The following LRP1B variants were observed in gnomAD, a reference collection of about 807,000 sequenced individuals.
LRP1B encodes the protein low-density lipoprotein receptor-related protein 1B.
A neutral mutation model predicts 556.6 loss-of-function variants in LRP1B; 217 were observed. The ratio of observed to expected loss-of-function variants is 0.39; its 90% CI spans 0.35 to 0.44. The LOEUF is 0.44. LRP1B is among the 20% of genes least tolerant of loss of function. The pLI, the probability that LRP1B is intolerant of heterozygous loss-of-function variation, is 1.00. For synonymous variants in LRP1B, 2,047 were observed against 1,865.8 expected (o/e 1.10, Z -2.50); for missense variants, 5,053 against 5,620.8 (o/e 0.90, Z 3.23).
At chr2:141,802,563 T>G (rs1696042294) in intron 2 of LRP1B, among the ~76,000 whole-genome samples, 1 of 151,988 alleles carries the variant, frequency 6.6e-6, no homozygotes, top group South Asian at 2.1e-4. Flanking sequence ...TACTGAAAAT[T>G]CCATAGGCAG....
chr2:140,491,042 T>G (rs1397810552), intron 57 of LRP1B, among the ~76,000 whole-genome samples: 1 of 152,106 alleles, frequency 6.6e-6, no homozygotes, highest in East Asian at 1.9e-4. Flanking sequence ...AGTTCTGTTA[T>G]GTGAAATAGA....
intron 1 of LRP1B, among the ~76,000 whole-genome samples, chr2:142,067,290 G>A (rs1408585880): frequency 1.3e-5 from 2 of 151,172 alleles, no homozygotes; most frequent in African/African-American, 4.9e-5. Flanking sequence ...CTGACCCTAG[G>A]ACCCAGATAT....
chr2:141,139,695 A>C (rs1218115382), intron 7 of LRP1B, among the ~76,000 whole-genome samples: 1 of 151,938 alleles, frequency 6.6e-6, no homozygotes. Flanking sequence ...GACCGACTAG[A>C]CCAAGTGTTG....
chr2:141,308,031 G>A (rs1405169628), intron 3 of LRP1B, among the ~76,000 whole-genome samples: 1 of 152,208 alleles, frequency 6.6e-6, no homozygotes, highest in Non-Finnish European at 1.5e-5. Context: ...CAGGTTGGAT[G>A]TGCTACCTTA....
In LRP1B at chr2:140,953,085, T is replaced by C. The variant is rs1162301365; in HGVS notation, c.2888-1145A>G. On this transcript the variant is annotated intron_variant, in intron 18 of 90. Transcript: ENST00000389484. ...AATAGACCTATGGTCCATATTCTTT[T>C]TGTTTGTTTGTTTGTTTGTTTTTGA... 5.3e-5 allele frequency among the ~76,000 whole-genome samples: 8 copies of C among 151,996 alleles called. No individual in the cohort carries two copies. The East Asian group carries it at 1.2e-3, about 22-fold the overall frequency.
At chr2:142,082,712 C>G (rs935732544) in intron 1 of LRP1B, among the ~76,000 whole-genome samples, 2 of 152,122 alleles carry the variant, frequency 1.3e-5, no homozygotes, top group African/African-American at 4.8e-5. Context: ...ACAGAATAGT[C>G]AGGTTGTGAA....
chr2:140,864,926 A>G (rs1692903986), intron 27 of LRP1B, among the ~76,000 whole-genome samples: 2 of 152,046 alleles, frequency 1.3e-5, no homozygotes, highest in Admixed American at 1.3e-4. Context: ...CTGAAATAAA[A>G]CTATGCTAAT....
chr2:141,764,923 T>C (rs909895578), intron 2 of LRP1B, among the ~76,000 whole-genome samples: 7 of 152,202 alleles, frequency 4.6e-5, no homozygotes, highest in African/African-American at 1.7e-4. Flanking sequence ...GTTTGTTTTA[T>C]CTATAATATT....
intron 49 of LRP1B, among the ~76,000 whole-genome samples, chr2:140,517,604 C>T (rs1464300430): frequency 6.6e-6 from 1 of 151,174 alleles, no homozygotes; most frequent in African/African-American, 2.4e-5. Context: ...AAAAAAGTAC[C>T]TGTATGTAAA....
chr2:141,273,970 G>A (rs991366532), intron 3 of LRP1B, among the ~76,000 whole-genome samples: 19 of 152,158 alleles, frequency 1.2e-4, no homozygotes, highest in African/African-American at 3.6e-4. Context: ...GATATTCAAC[G>A]TCTGTAATCA....
At chr2:141,731,693 A>T (rs958843975) in intron 2 of LRP1B, among the ~76,000 whole-genome samples, 1 of 151,806 alleles carries the variant, frequency 6.6e-6, no homozygotes, top group South Asian at 2.1e-4. Context: ...TCAAAGCCAG[A>T]CTCCACCATC....
At chr2:141,406,293 G>C (rs866903153) in intron 3 of LRP1B, among the ~76,000 whole-genome samples, 6 of 152,138 alleles carry the variant, frequency 3.9e-5, no homozygotes, top group Admixed American at 6.5e-5. Context: ...TGATAATATG[G>C]AGTATAAATA....
chr2:141,714,912 C>T (rs1238379672), intron 2 of LRP1B, among the ~76,000 whole-genome samples: 1 of 152,042 alleles, frequency 6.6e-6, no homozygotes, highest in Non-Finnish European at 1.5e-5. Context: ...TTTAGAGAAA[C>T]AGCTAGAAGC....
rs150386215 is a variant in LRP1B, at chr2:141,253,826, G to T, written c.463+696C>A. Among the ~76,000 whole-genome samples, 626 of 151,250 alleles carry T rather than the reference G, an allele frequency of 4.1e-3. 3 individuals carry two copies. The highest frequency in any genetic ancestry group is 0.013 in the African/African-American group (556 of 41,260). On this transcript the variant is annotated intron_variant, in intron 4 of 90. Coordinates refer to ENST00000389484, the MANE Select transcript of LRP1B (RefSeq NM_018557.3). Reference sequence around the variant, plus strand: ...AAGAGAGAGGCAGAGAGAGAGAGACGTGCTATATTATAGATTAGAAATATT... The same window carrying T: ...AAGAGAGAGGCAGAGAGAGAGAGACTTGCTATATTATAGATTAGAAATATT...
chr2:140,728,292 G>A (rs1655587755), intron 35 of LRP1B, among the ~76,000 whole-genome samples: 1 of 152,134 alleles, frequency 6.6e-6, no homozygotes, highest in Admixed American at 6.5e-5. Context: ...CATACAATAA[G>A]TCAGTTCTTG....
chr2:140,285,646 CATA>C (rs1424555733), intron 84 of LRP1B, among the ~76,000 whole-genome samples: 1 of 151,658 alleles, frequency 6.6e-6, no homozygotes, highest in East Asian at 1.9e-4. Flanking sequence ...CTAAGACTTT[CATA>C]ATAATTCAAA....
chr2:141,655,236 T>G (rs572943107), intron 2 of LRP1B, among the ~76,000 whole-genome samples: 1 of 152,290 alleles, frequency 6.6e-6, no homozygotes, highest in South Asian at 2.1e-4. Flanking sequence ...TTTATATTCA[T>G]GCTTTTCATA....
intron 3 of LRP1B, among the ~76,000 whole-genome samples, chr2:141,406,033 G>A (rs1042657639): frequency 6.6e-6 from 1 of 151,976 alleles, no homozygotes; most frequent in Admixed American, 6.5e-5. Flanking sequence ...AGAGAGCGAA[G>A]AAATAGGCTT....
At chr2:141,100,217 G>C (rs548654391) in intron 7 of LRP1B, among the ~76,000 whole-genome samples, 4 of 152,146 alleles carry the variant, frequency 2.6e-5, no homozygotes, top group Non-Finnish European at 2.9e-5. Context: ...TCTGAGTTCA[G>C]AGTAAACTCT....
Sources: gnomAD v4.1 joint callset for allele counts (sites outside exome capture counted in the v4.1 genomes callset) on GRCh38, gnomAD v4.1.1 for gene constraint, MANE v1.5 for transcripts, NCBI Gene and HGNC (gene_info 2026-07-23, HGNC 2026-07-21) for gene names.